DHX16: variants seen among roughly 807,000 people sequenced by gnomAD.
DHX16 encodes pre-mRNA-splicing factor ATP-dependent RNA helicase DHX16.
In DHX16, 81 loss-of-function variants were observed where a neutral mutation model predicts 131.2. That is an observed-to-expected ratio of 0.62 (90% confidence interval 0.52 to 0.74). The LOEUF is 0.74. Among genes scored for constraint, DHX16 ranks in the 30% least tolerant of loss-of-function variants. The probability of loss-of-function intolerance (pLI) is 0.00; values close to 1 mark genes in which losing one functional copy is unlikely to be tolerated. For missense variants in DHX16, 980 were observed against 1,363.1 expected (o/e 0.72, Z 4.43); for synonymous variants, 440 against 520.2 (o/e 0.85, Z 2.10).
At chr6:30,658,792 T>C (rs979317177) in intron 12 of DHX16, among the ~76,000 whole-genome samples, 1 of 152,162 alleles carries the variant, frequency 6.6e-6, no homozygotes. Context: ...TTTTTAGCCT[T>C]GTCTCCTACT....
At chr6:30,669,558 C>T (rs1337016844) in intron 4 of DHX16, among the ~76,000 whole-genome samples, 1 of 151,760 alleles carries the variant, frequency 6.6e-6, no homozygotes, top group Non-Finnish European at 1.5e-5. Context: ...GGGTTCGAGA[C>T]CACCCTGGCC....
At position 30,670,761 on chromosome 6, in the gene DHX16, G is replaced by A. The variant is rs761699069; in HGVS notation, c.609+29C>T. On this transcript the variant is annotated intron_variant, in intron 3 of 19. Coordinates refer to ENST00000376442, the MANE Select transcript of DHX16 (RefSeq NM_003587.5). This position sits in a 1 kb window ranked among gnomAD's most constrained non-coding sequence, Gnocchi z 4.4. ...TCAGATTTCACCCTGGGATCTTGGGGATTTACAGAACATGCTGCTCCTATT... is the reference window on the plus strand; with the variant it reads ...TCAGATTTCACCCTGGGATCTTGGGAATTTACAGAACATGCTGCTCCTATT... 1.1e-5 allele frequency: 18 copies of A among 1,611,580 alleles called. No individual in the cohort carries two copies. Among genetic ancestry groups the A allele is most frequent in the Non-Finnish European group, 1.3e-5 (15 of 1,179,550 alleles).
Position 30,653,148 on chromosome 6 carries a change from C to A in DHX16, c.*94G>T. Reference sequence around the variant, plus strand: ...TTTCTCTAGATCCCAAATGTTCCCACAAGCTTTATTCCAAAAATAATTTTA... The same window carrying A: ...TTTCTCTAGATCCCAAATGTTCCCAAAAGCTTTATTCCAAAAATAATTTTA... On this transcript the variant is annotated 3_prime_UTR_variant, in exon 20 of 20. Transcript: ENST00000376442. The A allele has an allele frequency of 7.0e-7, 1 of 1,437,296 alleles. No individual in the cohort carries two copies. The highest frequency in any genetic ancestry group is 2.3e-5 in the Admixed American group (1 of 43,396). The allele number at this position is 1,437,296 out of a possible 1,614,324, so 89.0% of individuals were successfully genotyped here.
chr6:30,659,372 G>T, intron 12 of DHX16, 100 bp downstream of exon 12: 1 of 1,277,198 alleles, frequency 7.8e-7, no homozygotes, highest in Admixed American at 2.2e-5. Flanking sequence ...GCTGTGTGCA[G>T]CAGTGCGCAG....
Position 30,665,497 on chromosome 6 carries a change from G to C in DHX16, c.903C>G (p.Pro301=). ...KLEATNRYHM[P]KETRGQPARA... Reference sequence around the variant, plus strand: ...ACCTCACCTGTCCTCGGGTTTCCTTGGGCATGTGGTAGCGATTGGTGGCCT... The same window carrying C: ...ACCTCACCTGTCCTCGGGTTTCCTTCGGCATGTGGTAGCGATTGGTGGCCT... The change falls in exon 5 of 20, where the codon CCC becomes CCG. Residue 301 remains proline (P), a synonymous_variant. Coordinates refer to ENST00000376442, the MANE Select transcript of DHX16 (RefSeq NM_003587.5). The surrounding 1 kb of genome is among the most constrained non-coding windows in gnomAD (Gnocchi z 4.8). 1 of 1,612,882 alleles carries C rather than the reference G, an allele frequency of 6.2e-7. No homozygotes were observed. Among genetic ancestry groups the C allele is most frequent in the Non-Finnish European group, 8.5e-7 (1 of 1,179,924 alleles).
chr6:30,659,010 C>CT (rs1381246750), intron 12 of DHX16, among the ~76,000 whole-genome samples: 1 of 152,100 alleles, frequency 6.6e-6, no homozygotes, highest in African/African-American at 2.4e-5. Flanking sequence ...ACTCAGCCTC[C>CT]TAAACAGGTG....
At chr6:30,657,117 C>T (rs1242267535) in intron 12 of DHX16, 25 bp from the exon 13 acceptor site, 2 of 1,589,140 alleles carry the variant, frequency 1.3e-6, no homozygotes, top group Admixed American at 1.8e-5. Context: ...ATGGGGTCAC[C>T]CAGTGACCCC....
rs1321000561 is a variant in DHX16, at chr6:30,670,446, C to T, written c.630G>A (p.Lys210=). 1.2e-6 allele frequency: 2 copies of T among 1,611,224 alleles called. No homozygotes were observed. Among genetic ancestry groups the T allele is most frequent in the Non-Finnish European group, 1.7e-6 (2 of 1,179,118 alleles). Residue 210 remains lysine, a synonymous_variant, in exon 4 of 20, where the codon AAG becomes AAA. Coordinates refer to ENST00000376442, the MANE Select transcript of DHX16 (RefSeq NM_003587.5). This position sits in a 1 kb window ranked among gnomAD's most constrained non-coding sequence, Gnocchi z 4.4. Reference sequence around the variant, plus strand: ...GGTCTTCCTCGGCCATCTTGAGGCGCTTCTGAGCCTCTTCATAAGCCTAGA... The same window carrying T: ...GGTCTTCCTCGGCCATCTTGAGGCGTTTCTGAGCCTCTTCATAAGCCTAGA... The part of the protein sequence containing the change: ...SDKKAYEEAQ[K]RLKMAEEDRK...
chr6:30,661,758 T>G, intron 9 of DHX16: 1 of 717,632 alleles, frequency 1.4e-6, no homozygotes, highest in South Asian at 1.5e-5. Flanking sequence ...TGCCTAACCC[T>G]AACTGTGATG....
intron 12 of DHX16, among the ~76,000 whole-genome samples, chr6:30,657,512 T>A (rs765119095): frequency 8.6e-5 from 13 of 151,808 alleles, no homozygotes; most frequent in Non-Finnish European, 1.8e-4. Context: ...ACCTGTCACA[T>A]CACTCCCCAT....
In DHX16 at chr6:30,659,757, G is replaced by A. The variant is rs1768319818; in HGVS notation, c.1833C>T (p.Ile611=). 6.2e-7 allele frequency: 1 copy of A among 1,614,122 alleles called. No homozygotes were observed. Among genetic ancestry groups the A allele is most frequent in the Non-Finnish European group, 8.5e-7 (1 of 1,180,016 alleles). Residue 611 remains isoleucine (I), a synonymous_variant, in exon 11 of 20, where the codon ATC becomes ATT. Transcript: ENST00000376442. ...QIHVTQPPGD[I]LVFLTGQEEI... is the part of the protein sequence containing the mutation. ...GCACCTGTCCTGTCAGGAACACCAGGATATCCCCAGGGGGCTGGGTCACAT... is the reference window on the plus strand; with the variant it reads ...GCACCTGTCCTGTCAGGAACACCAGAATATCCCCAGGGGGCTGGGTCACAT...
intron 19 of DHX16, 138 bp downstream of exon 19, chr6:30,654,559 AAAAAAAAAC>A (rs1283515740): frequency 2.5e-6 from 2 of 809,304 alleles, no homozygotes; most frequent in Non-Finnish European, 3.6e-6. Flanking sequence ...CAAAAAAAAC[AAAAAAAAAC>A]AAAGGATGTC....
In DHX16 at chr6:30,665,503, G is replaced by A; in HGVS notation, c.897C>T (p.His299=). Residue 299 remains histidine, a synonymous_variant, in exon 5 of 20, where the codon CAC becomes CAT. Transcript: ENST00000376442. The surrounding 1 kb of genome is among the most constrained non-coding windows in gnomAD (Gnocchi z 4.8). ...QEKLEATNRY[H]MPKETRGQPA... ...CCTGTCCTCGGGTTTCCTTGGGCAT[G>A]TGGTAGCGATTGGTGGCCTCCAGCT... 1 of 1,613,050 alleles carries A rather than the reference G, an allele frequency of 6.2e-7. No individual in the cohort carries two copies. The highest frequency in any genetic ancestry group is 8.5e-7 in the Non-Finnish European group (1 of 1,180,016).
intron 12 of DHX16, among the ~76,000 whole-genome samples, chr6:30,658,072 A>C (rs1379087069): frequency 6.6e-6 from 1 of 152,250 alleles, no homozygotes; most frequent in Non-Finnish European, 1.5e-5. Flanking sequence ...TGAAAGTTAT[A>C]TCTCTGCTCA....
In DHX16 at chr6:30,665,992, CTT is replaced by C. The variant is rs1430712416; in HGVS notation, c.667-261_667-260del. ...AAGTCCTCTTAGGCAGCATTATCAT[CTT>C]TGTTAATATAGATGCACTAGGGAGA... On this transcript the variant is annotated intron_variant, in intron 4 of 19. Coordinates refer to ENST00000376442, the MANE Select transcript of DHX16 (RefSeq NM_003587.5). This position sits in a 1 kb window ranked among gnomAD's most constrained non-coding sequence, Gnocchi z 4.8. Among the ~76,000 whole-genome samples the C allele has an allele frequency of 1.3e-5, 2 of 152,156 alleles. No individual in the cohort carries two copies. Among genetic ancestry groups the C allele is most frequent in the East Asian group, 1.9e-4 (1 of 5,192 alleles).
chr6:30,664,177 G>A (rs1768786721), intron 7 of DHX16, among the ~76,000 whole-genome samples: 1 of 151,438 alleles, frequency 6.6e-6, no homozygotes, highest in African/African-American at 2.4e-5. Flanking sequence ...ATCAGAGCAA[G>A]AGCCTGTCTC....
Position 30,672,798 on chromosome 6 carries a change from A to T in DHX16, c.44T>A (p.Leu15Gln). 6.2e-7 allele frequency: 1 copy of T among 1,612,984 alleles called. No individual in the cohort carries two copies. The highest frequency in any genetic ancestry group is 1.1e-5 in the South Asian group (1 of 91,076). ...AGLERWVQDE[L>Q]HSVLGLSERH... ...CTCGCTCAGCCCCAACACCGAGTGC[A>T]GCTCGTCCTGAACCCAGCGCTCCAG... is the stretch of plus-strand genomic sequence containing the variant. Residue 15 changes from leucine to glutamine, a missense_variant, in exon 1 of 20, where the codon CTG (leucine) becomes CAG (glutamine). This residue lies in a region of DHX16 where 457 missense variants were observed against 554.8 expected (regional missense o/e 0.82). Transcript: ENST00000376442.
chr6:30,656,893 T>G lies in DHX16; in HGVS notation c.2148+59A>C. 1 of 1,592,796 alleles carries G rather than the reference T, an allele frequency of 6.3e-7. No homozygotes were observed. The highest frequency in any genetic ancestry group is 2.2e-5 in the East Asian group (1 of 44,670). On this transcript the variant is annotated intron_variant, in intron 13 of 19. Coordinates refer to ENST00000376442, the MANE Select transcript of DHX16 (RefSeq NM_003587.5). The surrounding 1 kb of genome is among the most constrained non-coding windows in gnomAD (Gnocchi z 5.1). Reference sequence around the variant, plus strand: ...AGGAAGCCCCCACCCTGCTTCTGAGTTGGACCTTCTCTGTGGGCCAACTCC... The same window carrying G: ...AGGAAGCCCCCACCCTGCTTCTGAGGTGGACCTTCTCTGTGGGCCAACTCC...
chr6:30,669,152 A>G (rs1222215452), intron 4 of DHX16, among the ~76,000 whole-genome samples: 1 of 151,854 alleles, frequency 6.6e-6, no homozygotes, highest in African/African-American at 2.4e-5. Flanking sequence ...GGCCAGGCGT[A>G]GTGGCTCATG....
Sources: gnomAD v4.1 joint callset for allele counts (sites outside exome capture counted in the v4.1 genomes callset) on GRCh38, gnomAD v4.1.1 for gene constraint, gnomAD v4.1.1 regional missense constraint, Gnocchi (gnomAD v3.1) non-coding constraint, MANE v1.5 for transcripts, NCBI Gene and HGNC (gene_info 2026-07-23, HGNC 2026-07-21) for gene names.